The following CGGBP1 variants were observed in gnomAD, a reference collection of about 807,000 sequenced individuals.
CGGBP1 encodes the protein CGG triplet repeat binding protein 1, also known as CGG triplet repeat-binding protein 1.
A neutral mutation model predicts 11.4 loss-of-function variants in CGGBP1; 4 were observed. The observed-to-expected ratio is 0.35, with a 90% CI of 0.17 to 0.80. The LOEUF (loss-of-function observed/expected upper bound fraction) is 0.80. Among genes scored for constraint, CGGBP1 ranks in the 30% least tolerant of loss-of-function variants. CGGBP1 has a pLI of 0.52. For synonymous variants in CGGBP1, 76 were observed against 74.1 expected, an observed-to-expected ratio of 1.03 and a Z score of -0.13; for missense variants, 135 against 202.1, an observed-to-expected ratio of 0.67 and a Z score of 2.01.
chr3:88,111,634 TA>T (rs1286079928), intron 2 of CGGBP1, among the ~76,000 whole-genome samples: 6 of 152,022 alleles, frequency 3.9e-5, no homozygotes, highest in Non-Finnish European at 8.8e-5. Flanking sequence ...TTTGCTTCTA[TA>T]AACCATTTGT....
chr3:88,139,378 G>A, intron 2 of CGGBP1: 1 of 1,613,508 alleles, frequency 6.2e-7, no homozygotes, highest in Non-Finnish European at 8.5e-7. Flanking sequence ...CAGAAAAAAG[G>A]CAGTTTTGCA....
intron 2 of CGGBP1, among the ~76,000 whole-genome samples, chr3:88,119,394 GGGAGGGGGGA>G (rs1705624162): frequency 2.4e-4 from 1 of 4,216 alleles, no homozygotes; most frequent in Non-Finnish European, 3.2e-3. Context: ...GTGGGGTGGG[GGGAGGGGGGA>G]GGGGGGAGGG....
At chr3:88,101,283 A>C (rs1254212712) in intron 2 of CGGBP1, among the ~76,000 whole-genome samples, 1 of 152,166 alleles carries the variant, frequency 6.6e-6, no homozygotes, top group Non-Finnish European at 1.5e-5. Flanking sequence ...TTCAGTCCCC[A>C]GTGCCTACCC....
chr3:88,097,346 C>T (rs1704123539), intron 2 of CGGBP1, among the ~76,000 whole-genome samples: 3 of 151,788 alleles, frequency 2.0e-5, no homozygotes, highest in African/African-American at 7.3e-5. Context: ...CCAGTTTTCT[C>T]ACACCTTTGT....
intron 2 of CGGBP1, among the ~76,000 whole-genome samples, chr3:88,064,265 T>G (rs959497495): frequency 6.6e-6 from 1 of 152,166 alleles, no homozygotes; most frequent in Non-Finnish European, 1.5e-5. Context: ...CCTAGTTGTT[T>G]TAGATGGAAT....
chr3:88,094,104 C>CTT (rs11449650), intron 2 of CGGBP1, among the ~76,000 whole-genome samples: 2,845 of 147,812 alleles, frequency 0.019, 39 homozygotes, highest in Non-Finnish European at 0.026. Context: ...AGATAATATT[C>CTT]TTTTTTTTTT....
chr3:88,104,733 TAAAA>T (rs1458648756), intron 2 of CGGBP1, among the ~76,000 whole-genome samples: 1 of 152,222 alleles, frequency 6.6e-6, no homozygotes, highest in Non-Finnish European at 1.5e-5. Context: ...AATGGAATCT[TAAAA>T]TTGCTCAGTC....
chr3:88,086,362 G>C, intron 2 of CGGBP1: 1 of 1,535,688 alleles, frequency 6.5e-7, no homozygotes, highest in African/African-American at 1.4e-5. Flanking sequence ...ATTCCCAGAT[G>C]AATGTGAGCA....
intron 2 of CGGBP1, among the ~76,000 whole-genome samples, chr3:88,094,035 CA>C (rs1401399752): frequency 6.6e-6 from 1 of 151,784 alleles, no homozygotes; most frequent in Non-Finnish European, 1.5e-5. Flanking sequence ...TGAACTTAGT[CA>C]TTTGAGAGAA....
At chr3:88,148,333 A>C (rs1707345934) in intron 1 of CGGBP1, among the ~76,000 whole-genome samples, 2 of 152,142 alleles carry the variant, frequency 1.3e-5, no homozygotes, top group Non-Finnish European at 2.9e-5. Flanking sequence ...GCTCAATTAT[A>C]ATACATTTTT....
intron 2 of CGGBP1, among the ~76,000 whole-genome samples, chr3:88,105,865 G>T (rs1704706009): frequency 6.6e-6 from 1 of 152,294 alleles, no homozygotes; most frequent in African/African-American, 2.4e-5. Context: ...GTATTAAGAG[G>T]TGGGACCTTT....
Position 88,143,829 on chromosome 3 carries a change from G to A in CGGBP1, c.-337-2751C>T, listed in dbSNP as rs559103878. 1.1e-4 allele frequency: 16 copies of A among 151,856 alleles called. No homozygotes were observed. The South Asian group carries it at 2.7e-3, about 26-fold the overall frequency. 9.4% of individuals were successfully genotyped at this position (151,856 alleles called of 1,614,324 possible). A position where few individuals can be genotyped will look rare whatever the true frequency, so the allele number is the denominator to read the frequency against. ...TATTTGACCACACTGTCTTAACCTC[G>A]GTTTATATACTTCTCAAATAGCTAT... On this transcript the variant is annotated intron_variant, in intron 1 of 3. Transcript: ENST00000462901.
chr3:88,109,142 A>ATGT (rs1553697145), intron 2 of CGGBP1, among the ~76,000 whole-genome samples: 3 of 142,434 alleles, frequency 2.1e-5, no homozygotes, highest in Non-Finnish European at 4.6e-5. Flanking sequence ...AGTGGGCACT[A>ATGT]GTGTGTGTGT....
At position 88,053,136 on chromosome 3, in the gene CGGBP1, G is replaced by A. The variant is rs1706464531; in HGVS notation, c.*2337C>T. 2 of 152,388 alleles carry A rather than the reference G, an allele frequency of 1.3e-5. No individual in the cohort carries two copies. The highest frequency in any genetic ancestry group is 2.4e-5 in the African/African-American group (1 of 41,448). The allele number at this position is 152,388 out of a possible 1,614,324, so 9.4% of individuals were successfully genotyped here. A position where few individuals can be genotyped will look rare whatever the true frequency, so the allele number is the denominator to read the frequency against. On this transcript the variant is annotated 3_prime_UTR_variant, in exon 4 of 4. Coordinates refer to ENST00000482016, the MANE Select transcript of CGGBP1 (RefSeq NM_001008390.2). ...ACACGTTCACTACACCTCCAAAGCA[G>A]CATATGCCTCTTAGACATCCTCATT... is the stretch of plus-strand genomic sequence containing the variant.
chr3:88,061,215 C>T (rs1706862903), upstream of CGGBP1, among the ~76,000 whole-genome samples: 1 of 151,954 alleles, frequency 6.6e-6, no homozygotes, highest in Non-Finnish European at 1.5e-5. Flanking sequence ...TATTCAGGGG[C>T]TGAAAATCTA....
At chr3:88,139,920 C>T in intron 2 of CGGBP1, 1 of 1,613,574 alleles carries the variant, frequency 6.2e-7, no homozygotes, top group Non-Finnish European at 8.5e-7. Flanking sequence ...GTGTCCTGCT[C>T]TTGGTTGTGT....
At chr3:88,140,725 A>C in intron 2 of CGGBP1, 1 of 1,613,780 alleles carries the variant, frequency 6.2e-7, no homozygotes, top group Non-Finnish European at 8.5e-7. Flanking sequence ...CAAGAACACA[A>C]CACCTTGCCA....
At chr3:88,056,676 C>G (rs1303938372) in intron 3 of CGGBP1, 2 of 152,116 alleles carry the variant, frequency 1.3e-5, no homozygotes, top group Non-Finnish European at 2.9e-5. Flanking sequence ...TCTTACTTCT[C>G]TAATACTTGT....
At chr3:88,119,422 T>G (rs1393553239) in intron 2 of CGGBP1, among the ~76,000 whole-genome samples, 2 of 136,248 alleles carry the variant, frequency 1.5e-5, no homozygotes, top group African/African-American at 2.7e-5. Context: ...GGGATAGCAT[T>G]GGGAGATATA....
Sources: gnomAD v4.1 joint callset for allele counts (sites outside exome capture counted in the v4.1 genomes callset) on GRCh38, gnomAD v4.1.1 for gene constraint, MANE v1.5 for transcripts, NCBI Gene and HGNC (gene_info 2026-07-23, HGNC 2026-07-21) for gene names.